Variants in TAF3 observed in about 807,000 individuals in gnomAD.
TAF3 encodes the protein transcription initiation factor TFIID subunit 3.
TAF3 carries 7 observed loss-of-function variants against 80.6 expected under a neutral mutation model. That is an observed-to-expected ratio of 0.09 (90% CI 0.05 to 0.16). TAF3 has a LOEUF of 0.16. Ranked by LOEUF, TAF3 falls within the 10% of genes least tolerant of loss-of-function variation. The pLI is 1.00. For synonymous variants in TAF3, 444 were observed against 446.1 expected (o/e 1.00, Z 0.06); for missense variants, 921 against 1,140.2 (o/e 0.81, Z 2.77).
intron 2 of TAF3, among the ~76,000 whole-genome samples, chr10:7,854,352 G>T (rs1441249894): frequency 6.6e-6 from 1 of 152,152 alleles, no homozygotes. Flanking sequence ...TAACTGGAAG[G>T]AATTATTTGC....
intron 2 of TAF3, among the ~76,000 whole-genome samples, chr10:7,936,173 G>A (rs962502304): frequency 2.6e-5 from 4 of 152,338 alleles, no homozygotes; most frequent in African/African-American, 9.6e-5. Context: ...CAGAGCATTA[G>A]CTGTGTGCGC....
intron 2 of TAF3, among the ~76,000 whole-genome samples, chr10:7,903,484 A>G (rs1016075039): frequency 1.3e-5 from 2 of 152,228 alleles, no homozygotes; most frequent in Non-Finnish European, 2.9e-5. Flanking sequence ...GCAAAATTTA[A>G]AATTTTTAAT....
In TAF3 at chr10:8,014,724, CAAG is replaced by C. The variant is rs765636984; in HGVS notation, c.2768_2770del (p.Lys923del). ...CGAACAAGAAGAAGGACAAAAAGCA[CAAG>C]AAGAGGAAGCATCGAGCCCACTGAC... On this transcript the variant is annotated inframe_deletion, in exon 7 of 7. Transcript: ENST00000344293. 1 of 1,606,770 alleles carries C rather than the reference CAAG, an allele frequency of 6.2e-7. No individual in the cohort carries two copies. Among genetic ancestry groups the C allele is most frequent in the South Asian group, 1.1e-5 (1 of 89,524 alleles).
chr10:7,917,775 G>C (rs1405908668), intron 2 of TAF3, among the ~76,000 whole-genome samples: 1 of 152,180 alleles, frequency 6.6e-6, no homozygotes, highest in African/African-American at 2.4e-5. Context: ...GGAAAGATGG[G>C]AATGAAGAAG....
intron 2 of TAF3, among the ~76,000 whole-genome samples, chr10:7,850,546 C>T (rs1363721227): frequency 6.6e-6 from 1 of 151,886 alleles, no homozygotes; most frequent in Non-Finnish European, 1.5e-5. Context: ...CATGGTGGCA[C>T]ATGCATGTAA....
chr10:7,923,276 G>T (rs1230505666), intron 2 of TAF3, among the ~76,000 whole-genome samples: 1 of 151,994 alleles, frequency 6.6e-6, no homozygotes. Flanking sequence ...GTAGTGGTAA[G>T]AACAGGGTGT....
rs114551005 is a variant in TAF3 at position 7,986,513 on chromosome 10, A to G, written c.2315+9190A>G. Among the ~76,000 whole-genome samples the G allele has an allele frequency of 6.2e-3, 946 of 152,312 alleles. 10 individuals carry two copies. Among genetic ancestry groups the G allele is most frequent in the African/African-American group, 0.022 (919 of 41,564 alleles). ...ATTGGGAGATTTTCTTTATGTCATAATGTCAGACTGGGTGTCCTGAAAACA... is the reference window on the plus strand; with the variant it reads ...ATTGGGAGATTTTCTTTATGTCATAGTGTCAGACTGGGTGTCCTGAAAACA... On this transcript the variant is annotated intron_variant, in intron 4 of 6. Coordinates refer to ENST00000344293, the MANE Select transcript of TAF3 (RefSeq NM_031923.4).
rs1831682894 is a variant in TAF3, at chr10:7,977,297, C to G, written c.2289C>G (p.Leu763=). ...APSPVIPRLT[L]RVGAGQDKIV... ...GTCCAGTTATCCCCAGATTAACTCT[C>G]CGAGTCGGTGCTGGCCAAGACAAGA... The change falls in exon 4 of 7, where the codon CTC becomes CTG. Residue 763 remains leucine (L), a synonymous_variant. Transcript: ENST00000344293. 1 of 1,614,180 alleles carries G rather than the reference C, an allele frequency of 6.2e-7. No individual in the cohort carries two copies. The highest frequency in any genetic ancestry group is 8.5e-7 in the Non-Finnish European group (1 of 1,180,028).
chr10:7,853,271 G>T (rs1238713095), intron 2 of TAF3, among the ~76,000 whole-genome samples: 4 of 152,164 alleles, frequency 2.6e-5, no homozygotes, highest in Non-Finnish European at 5.9e-5. Flanking sequence ...TTATTGTAGA[G>T]TTGGGTGAAA....
chr10:8,008,092 C>CT (rs1162726965), intron 4 of TAF3, among the ~76,000 whole-genome samples: 32,738 of 106,122 alleles, frequency 0.31, 6,533 homozygotes, highest in Non-Finnish European at 0.4. Flanking sequence ...TGGGAACAAT[C>CT]TTTTTTTTTT....
intron 2 of TAF3, among the ~76,000 whole-genome samples, chr10:7,874,498 G>C (rs953644209): frequency 5.9e-5 from 9 of 151,972 alleles, no homozygotes; most frequent in African/African-American, 2.2e-4. Flanking sequence ...AAGGGATGAT[G>C]GTGAGTATTT....
intron 2 of TAF3, among the ~76,000 whole-genome samples, chr10:7,878,132 A>G (rs1837327550): frequency 6.6e-6 from 1 of 152,230 alleles, no homozygotes; most frequent in Non-Finnish European, 1.5e-5. Context: ...TTTTAAAACA[A>G]TACATTTAAT....
chr10:8,001,225 C>T (rs1831940710), intron 4 of TAF3, among the ~76,000 whole-genome samples: 1 of 152,110 alleles, frequency 6.6e-6, no homozygotes, highest in African/African-American at 2.4e-5. Context: ...TTAAGTTTTC[C>T]ATAATCATTC....
At chr10:7,948,137 A>G (rs1481755223) in intron 2 of TAF3, among the ~76,000 whole-genome samples, 1 of 151,416 alleles carries the variant, frequency 6.6e-6, no homozygotes, top group Non-Finnish European at 1.5e-5. Context: ...AACATAGTTC[A>G]CTGCGACCTC....
intron 2 of TAF3, among the ~76,000 whole-genome samples, chr10:7,863,070 C>A (rs1837163186): frequency 6.6e-6 from 1 of 152,148 alleles, no homozygotes; most frequent in Non-Finnish European, 1.5e-5. Flanking sequence ...TATGCTTTAT[C>A]TCTGACCTAG....
At chr10:7,934,797 G>A (rs1294543642) in intron 2 of TAF3, among the ~76,000 whole-genome samples, 8 of 152,110 alleles carry the variant, frequency 5.3e-5, no homozygotes, top group Admixed American at 5.2e-4. Flanking sequence ...AATAATTGCA[G>A]TTGTAAACAT....
At chr10:7,903,877 A>G (rs540984012) in intron 2 of TAF3, among the ~76,000 whole-genome samples, 6 of 152,110 alleles carry the variant, frequency 3.9e-5, no homozygotes, top group Non-Finnish European at 7.4e-5. Flanking sequence ...CGGGGGACAT[A>G]AGGGACATAA....
At chr10:8,012,183 TA>T (rs1215015648) in intron 5 of TAF3, among the ~76,000 whole-genome samples, 2 of 151,994 alleles carry the variant, frequency 1.3e-5, no homozygotes, top group Non-Finnish European at 2.9e-5. Flanking sequence ...GTCTTTAAAA[TA>T]AAAATGAAAA....
At chr10:7,945,092 T>C (rs991919783) in intron 2 of TAF3, among the ~76,000 whole-genome samples, 2 of 152,228 alleles carry the variant, frequency 1.3e-5, no homozygotes, top group Non-Finnish European at 2.9e-5. Context: ...CAAAATAGGA[T>C]AAGGCTTTGT....
Sources: gnomAD v4.1 joint callset for allele counts (sites outside exome capture counted in the v4.1 genomes callset) on GRCh38, gnomAD v4.1.1 for gene constraint, MANE v1.5 for transcripts, NCBI Gene and HGNC (gene_info 2026-07-23, HGNC 2026-07-21) for gene names.